Variants in SAMD5 observed in about 807,000 individuals in gnomAD.
SAMD5 encodes the protein sterile alpha motif domain-containing protein 5.
A neutral mutation model predicts 11.3 loss-of-function variants in SAMD5; 13 were observed. The ratio of observed to expected loss-of-function variants is 1.15; its 90% confidence interval spans 0.75 to 1.83. The LOEUF is 1.83. Ranked by LOEUF, SAMD5 falls within the 40% of genes most tolerant of loss-of-function variation. SAMD5 has a pLI of 0.00. For missense variants in SAMD5, 255 were observed against 239.1 expected, an observed-to-expected ratio of 1.07 and a Z score of -0.44; for synonymous variants, 129 against 111.3, an observed-to-expected ratio of 1.16 and a Z score of -1.00.
intron 1 of SAMD5, among the ~76,000 whole-genome samples, chr6:147,661,284 T>TA (rs1223778660): frequency 1.3e-5 from 2 of 152,244 alleles, no homozygotes; most frequent in Admixed American, 6.5e-5. Flanking sequence ...TTTAAAAATA[T>TA]AAAAAAAGTG....
intron 1 of SAMD5, among the ~76,000 whole-genome samples, chr6:147,624,583 A>C (rs1456532944): frequency 6.6e-6 from 1 of 152,216 alleles, no homozygotes; most frequent in Non-Finnish European, 1.5e-5. Context: ...TTTATGGCTG[A>C]GTAGTATTCC....
the SAMD5 span, among the ~76,000 whole-genome samples, chr6:147,865,396 A>C: frequency 2.6e-5 from 4 of 151,842 alleles, no homozygotes; most frequent in Non-Finnish European, 4.4e-5. Flanking sequence ...GGGCAAAGAA[A>C]AGGGGAAAAA....
chr6:147,849,563 G>A, the SAMD5 span, among the ~76,000 whole-genome samples: 16 of 152,162 alleles, frequency 1.1e-4, no homozygotes, highest in East Asian at 1.7e-3. Flanking sequence ...CTTAATGGAC[G>A]CTCAGCATTA....
At chr6:147,785,438 C>T in the SAMD5 span, among the ~76,000 whole-genome samples, 1 of 152,130 alleles carries the variant, frequency 6.6e-6, no homozygotes, top group Non-Finnish European at 1.5e-5. Context: ...TTGACATTCA[C>T]CTGATTTCCT....
chr6:147,888,541 T>A, the SAMD5 span, among the ~76,000 whole-genome samples: 6 of 151,384 alleles, frequency 4.0e-5, no homozygotes, highest in Admixed American at 6.6e-5. Context: ...TTGTCATACT[T>A]ATTTTTGTTC....
chr6:147,582,087 G>A (rs1310462562), intron 1 of SAMD5, among the ~76,000 whole-genome samples: 1 of 151,226 alleles, frequency 6.6e-6, no homozygotes, highest in African/African-American at 2.4e-5. Flanking sequence ...GGCTGGACAC[G>A]GTGGCTTACA....
the SAMD5 span, among the ~76,000 whole-genome samples, chr6:147,753,252 T>A: frequency 1.3e-5 from 2 of 151,880 alleles, no homozygotes; most frequent in Non-Finnish European, 2.9e-5. Context: ...TGTCCAGGAG[T>A]AGAGGAATTT....
chr6:147,911,019 T>C, the SAMD5 span, among the ~76,000 whole-genome samples: 1 of 152,218 alleles, frequency 6.6e-6, no homozygotes, highest in Non-Finnish European at 1.5e-5. Context: ...CAAATACTAT[T>C]TGAGATCCTT....
the SAMD5 span, among the ~76,000 whole-genome samples, chr6:147,791,908 G>T: frequency 6.6e-6 from 1 of 152,142 alleles, no homozygotes; most frequent in Non-Finnish European, 1.5e-5. Flanking sequence ...TAAACAGAGT[G>T]GTGGTTATCA....
At chr6:147,928,244 C>CGGG in the SAMD5 span, among the ~76,000 whole-genome samples, 447 of 152,212 alleles carry the variant, frequency 2.9e-3, 4 homozygotes, top group African/African-American at 0.01. Context: ...GGTACCAGCG[C>CGGG]TTCTTTGTAC....
intron 1 of SAMD5, among the ~76,000 whole-genome samples, chr6:147,544,989 A>C (rs904792056): frequency 3.3e-5 from 5 of 152,214 alleles, no homozygotes; most frequent in African/African-American, 4.8e-5. Flanking sequence ...TTCCAGTTTT[A>C]TATTCCATGC....
the SAMD5 span, among the ~76,000 whole-genome samples, chr6:147,799,812 A>G: frequency 6.6e-6 from 1 of 151,762 alleles, no homozygotes; most frequent in Non-Finnish European, 1.5e-5. Flanking sequence ...ACTTCATTTC[A>G]TTCATTTCAT....
At chr6:147,607,439 C>T (rs2128448790) in intron 1 of SAMD5, among the ~76,000 whole-genome samples, 1 of 152,234 alleles carries the variant, frequency 6.6e-6, no homozygotes, top group East Asian at 1.9e-4. Context: ...TACTATAGAG[C>T]TATAGTAACC....
intron 1 of SAMD5, among the ~76,000 whole-genome samples, chr6:147,611,477 C>T (rs929876799): frequency 2.6e-5 from 4 of 151,918 alleles, no homozygotes; most frequent in South Asian, 4.2e-4. Context: ...GCAGGAGAAT[C>T]GCTTGAGCCC....
At chr6:147,916,956 T>C in the SAMD5 span, among the ~76,000 whole-genome samples, 6 of 149,712 alleles carry the variant, frequency 4.0e-5, no homozygotes, top group Admixed American at 1.3e-4. Flanking sequence ...TAGTCTATCA[T>C]TGTTGGACAT....
the SAMD5 span, among the ~76,000 whole-genome samples, chr6:147,876,950 G>C: frequency 3.9e-5 from 6 of 152,110 alleles, no homozygotes; most frequent in African/African-American, 1.4e-4. Context: ...ATAGAGTTTT[G>C]GCAGATAGTA....
intron 1 of SAMD5, among the ~76,000 whole-genome samples, chr6:147,638,465 G>T (rs1790264227): frequency 6.6e-6 from 1 of 152,172 alleles, no homozygotes; most frequent in African/African-American, 2.4e-5. Context: ...GCTCCCTTGT[G>T]AATTCCTTTG....
intron 1 of SAMD5, among the ~76,000 whole-genome samples, chr6:147,667,701 A>G (rs138124750): frequency 5.1e-4 from 78 of 152,342 alleles, no homozygotes; most frequent in African/African-American, 1.9e-3. Context: ...CATGCAGAAT[A>G]CAGTTGGGCT....
chr6:147,586,284 G>T (rs1305058914), intron 1 of SAMD5, among the ~76,000 whole-genome samples: 1 of 152,122 alleles, frequency 6.6e-6, no homozygotes, highest in Admixed American at 6.5e-5. Flanking sequence ...AAACCAATTT[G>T]TCAGGGTGTG....
Sources: gnomAD v4.1 joint callset for allele counts (sites outside exome capture counted in the v4.1 genomes callset) on GRCh38, gnomAD v4.1.1 for gene constraint, MANE v1.5 for transcripts, NCBI Gene and HGNC (gene_info 2026-07-23, HGNC 2026-07-21) for gene names.